The following RANBP2 variants were observed in gnomAD, a reference collection of about 807,000 sequenced individuals.
RANBP2 encodes E3 SUMO-protein ligase RanBP2.
In RANBP2, 57 loss-of-function variants were observed where a neutral mutation model predicts 303.6. The ratio of observed to expected loss-of-function variants is 0.19; its 90% CI spans 0.15 to 0.23. The LOEUF is 0.23. Ranked by LOEUF, RANBP2 falls within the 10% of genes least tolerant of loss-of-function variation. The pLI is 1.00. For missense variants in RANBP2, 3,138 were observed against 3,780.8 expected, an observed-to-expected ratio of 0.83 and a Z score of 4.46; for synonymous variants, 1,167 against 1,301.5, an observed-to-expected ratio of 0.90 and a Z score of 2.23.
the RANBP2 span, among the ~76,000 whole-genome samples, chr2:109,221,832 T>A: frequency 6.6e-6 from 1 of 152,142 alleles, no homozygotes; most frequent in African/African-American, 2.4e-5. Flanking sequence ...AACTATCATA[T>A]GATCCAACAA....
chr2:109,181,053 T>G, the RANBP2 span, among the ~76,000 whole-genome samples: 1 of 152,194 alleles, frequency 6.6e-6, no homozygotes, highest in African/African-American at 2.4e-5. Flanking sequence ...CAGCCCGCTG[T>G]GCACACACAG....
At chr2:109,355,717 G>T in the RANBP2 span, among the ~76,000 whole-genome samples, 148 of 152,282 alleles carry the variant, frequency 9.7e-4, no homozygotes, top group African/African-American at 3.4e-3. Flanking sequence ...CCCTGGGGAC[G>T]CCCTCCTCTG....
the RANBP2 span, chr2:109,615,416 C>A: frequency 4.3e-6 from 7 of 1,612,960 alleles, no homozygotes; most frequent in African/African-American, 5.3e-5. Flanking sequence ...TGCACTGGGC[C>A]GCCAAGCACG....
At chr2:109,557,380 T>C in the RANBP2 span, among the ~76,000 whole-genome samples, 2 of 152,100 alleles carry the variant, frequency 1.3e-5, no homozygotes, top group Non-Finnish European at 2.9e-5. Flanking sequence ...ACTATTTAAT[T>C]CCCACAGCAA....
At chr2:109,130,410 G>A in the RANBP2 span, among the ~76,000 whole-genome samples, 2 of 152,190 alleles carry the variant, frequency 1.3e-5, no homozygotes, top group African/African-American at 4.8e-5. Flanking sequence ...ACTTAGCATC[G>A]CCCTTGCGTC....
chr2:109,221,177 A>G, the RANBP2 span, among the ~76,000 whole-genome samples: 2 of 152,230 alleles, frequency 1.3e-5, no homozygotes, highest in South Asian at 2.1e-4. Context: ...GGAACCATGG[A>G]CCTGGAATAA....
downstream of RANBP2, among the ~76,000 whole-genome samples, chr2:108,787,204 G>A (rs530531444): frequency 7.2e-5 from 11 of 152,324 alleles, no homozygotes; most frequent in African/African-American, 2.6e-4. Flanking sequence ...TGTGAGTGGA[G>A]TTGTGAAAAC....
the RANBP2 span, among the ~76,000 whole-genome samples, chr2:108,874,847 C>G: frequency 6.6e-6 from 1 of 152,120 alleles, no homozygotes; most frequent in African/African-American, 2.4e-5. Context: ...AGGCCTATTG[C>G]AGTTACCTTA....
the RANBP2 span, among the ~76,000 whole-genome samples, chr2:109,181,730 C>G: frequency 6.6e-6 from 1 of 152,212 alleles, no homozygotes; most frequent in Non-Finnish European, 1.5e-5. Flanking sequence ...TCTTTCTTCT[C>G]CAGCCATGGT....
chr2:108,783,899 T>C lies in RANBP2; in HGVS notation c.9673T>C (p.Ter3225GlnextTer6), dbSNP rs753167798. The C allele has an allele frequency of 4.5e-5, 72 of 1,607,822 alleles. No individual in the cohort carries two copies. The highest frequency in any genetic ancestry group is 2.7e-4 in the African/African-American group (20 of 74,802). The change falls in exon 29 of 29, where the codon TAA (stop) becomes CAA (glutamine). Residue 3225 changes from the stop codon to glutamine (Q), a stop_lost. Transcript: ENST00000283195. ...RITITECGQI[*>Q] ...AACTATCACAGAATGTGGACAGATA[T>C]AAAATCATTGTTGTTCATAGAAAAT...
the RANBP2 span, among the ~76,000 whole-genome samples, chr2:109,678,727 A>T: frequency 1.3e-5 from 2 of 152,304 alleles, no homozygotes; most frequent in East Asian, 1.9e-4. Context: ...TCCTTCTGGT[A>T]ACTACTAGCT....
At chr2:109,129,522 C>A in the RANBP2 span, 2 of 1,496,274 alleles carry the variant, frequency 1.3e-6, no homozygotes, top group Non-Finnish European at 1.8e-6. Context: ...CGCGCGAGAC[C>A]GCTGCGGGCG....
chr2:108,952,852 C>T, the RANBP2 span, among the ~76,000 whole-genome samples: 1 of 152,182 alleles, frequency 6.6e-6, no homozygotes, highest in Non-Finnish European at 1.5e-5. Flanking sequence ...GGGCAAGTGT[C>T]AAATTACTGG....
At chr2:108,722,311 G>A (rs1175974650) in intron 1 of RANBP2, among the ~76,000 whole-genome samples, 1 of 152,140 alleles carries the variant, frequency 6.6e-6, no homozygotes, top group South Asian at 2.1e-4. Context: ...GATTTCAGCG[G>A]AATATGGATT....
intron 1 of RANBP2, among the ~76,000 whole-genome samples, chr2:108,724,265 C>G (rs1037372208): frequency 6.6e-6 from 1 of 152,088 alleles, no homozygotes; most frequent in Non-Finnish European, 1.5e-5. Flanking sequence ...CGGGTTCAAG[C>G]GATTCTCCTG....
chr2:109,110,698 C>T, the RANBP2 span, among the ~76,000 whole-genome samples: 40 of 152,322 alleles, frequency 2.6e-4, no homozygotes, highest in Non-Finnish European at 4.9e-4. Flanking sequence ...AGGCGGCAGG[C>T]CAGTCACTAA....
At chr2:109,544,465 A>G in the RANBP2 span, 262 of 1,379,326 alleles carry the variant, frequency 1.9e-4, 3 homozygotes, top group East Asian at 6.5e-3. Context: ...ACACCAAACC[A>G]TATTTTCTTG....
At chr2:109,230,988 A>G in the RANBP2 span, among the ~76,000 whole-genome samples, 40 of 152,248 alleles carry the variant, frequency 2.6e-4, no homozygotes, top group African/African-American at 9.4e-4. Flanking sequence ...TGTGTAAGAC[A>G]AAAGTACACT....
chr2:108,978,985 G>A, the RANBP2 span, among the ~76,000 whole-genome samples: 3 of 152,202 alleles, frequency 2.0e-5, no homozygotes, highest in Non-Finnish European at 2.9e-5. Flanking sequence ...GGGGCAGGAG[G>A]GGGTGTAGTG....
Sources: gnomAD v4.1 joint callset for allele counts (sites outside exome capture counted in the v4.1 genomes callset) on GRCh38, gnomAD v4.1.1 for gene constraint, MANE v1.5 for transcripts, NCBI Gene and HGNC (gene_info 2026-07-23, HGNC 2026-07-21) for gene names.